Variants in ATP8B1 observed in about 807,000 individuals in gnomAD.
The protein encoded by ATP8B1 is phospholipid-transporting ATPase IC.
A neutral mutation model predicts 149.9 loss-of-function variants in ATP8B1; 80 were observed. That is an observed-to-expected ratio of 0.53 (90% confidence interval 0.45 to 0.64). The LOEUF (loss-of-function observed/expected upper bound fraction) is 0.64. ATP8B1 is among the 30% of genes least tolerant of loss of function. The probability of loss-of-function intolerance (pLI) is 0.00; values close to 1 mark genes in which losing one functional copy is unlikely to be tolerated. For synonymous variants in ATP8B1, 536 were observed against 562.8 expected (o/e 0.95, Z 0.67); for missense variants, 1,247 against 1,552.6 (o/e 0.80, Z 3.31).
At chr18:57,648,851 CTTGT>C (rs1400501212) in intron 27 of ATP8B1, 139 bp from the exon 28 acceptor site, 6 of 521,562 alleles carry the variant, frequency 1.2e-5, no homozygotes, top group Non-Finnish European at 1.3e-5. Flanking sequence ...TCTGTCCCCA[CTTGT>C]GTGTGTGTGT....
In ATP8B1 at chr18:57,653,889, G is replaced by C. The variant is rs7231045; in HGVS notation, c.3015+103C>G. ...ACAGAATTATAATAGGGTTTGATCA[G>C]AAAGAAGTAAACACCAGAAGAATGC... On this transcript the variant is annotated intron_variant, in intron 24 of 27. Transcript: ENST00000648908. 9.8e-4 allele frequency: 1,050 copies of C among 1,071,282 alleles called. 7 individuals carry two copies. In the African/African-American group the frequency reaches 0.014, roughly 14 times the overall value. The allele number at this position is 1,071,282 out of a possible 1,614,324, so 66.4% of individuals were successfully genotyped here. A position where few individuals can be genotyped will look rare whatever the true frequency, so the allele number is the denominator to read the frequency against.
At chr18:57,751,617 G>C (rs183301741) in intron 1 of ATP8B1, among the ~76,000 whole-genome samples, 16 of 152,248 alleles carry the variant, frequency 1.1e-4, no homozygotes, top group Middle Eastern at 6.8e-3. Flanking sequence ...TCTGTTGATA[G>C]ACATTTCTGT....
At chr18:57,724,408 A>G (rs2079682802) in intron 2 of ATP8B1, among the ~76,000 whole-genome samples, 1 of 147,662 alleles carries the variant, frequency 6.8e-6, no homozygotes, top group African/African-American at 2.5e-5. Flanking sequence ...TTACAAGAAA[A>G]AAACAAACAA....
chr18:57,743,200 T>C (rs2079934668), intron 1 of ATP8B1, among the ~76,000 whole-genome samples: 2 of 152,204 alleles, frequency 1.3e-5, no homozygotes, highest in African/African-American at 4.8e-5. Flanking sequence ...ATTTAGCTCC[T>C]AGCTATTCAG....
intron 2 of ATP8B1, among the ~76,000 whole-genome samples, chr18:57,709,131 G>T (rs1017580273): frequency 5.9e-5 from 9 of 152,142 alleles, no homozygotes; most frequent in African/African-American, 1.9e-4. Flanking sequence ...ATCCTTGTTT[G>T]GCCTAATTCA....
intron 1 of ATP8B1, among the ~76,000 whole-genome samples, chr18:57,763,551 C>A (rs547457983): frequency 2.0e-5 from 3 of 152,278 alleles, no homozygotes; most frequent in African/African-American, 7.2e-5. Context: ...ACAGAACCTA[C>A]TAGAATCAAT....
At chr18:57,754,870 C>T (rs955152728) in intron 1 of ATP8B1, among the ~76,000 whole-genome samples, 3 of 152,144 alleles carry the variant, frequency 2.0e-5, no homozygotes, top group African/African-American at 7.2e-5. Context: ...AGCAAAGCAG[C>T]CTGGGGTGTA....
At chr18:57,790,249 C>T (rs1212674153) in intron 1 of ATP8B1, among the ~76,000 whole-genome samples, 1 of 152,038 alleles carries the variant, frequency 6.6e-6, no homozygotes, top group Non-Finnish European at 1.5e-5. Context: ...CTCTCATGGA[C>T]ACTGCAGCAG....
At chr18:57,677,947 T>C (rs1275914773) in intron 15 of ATP8B1, among the ~76,000 whole-genome samples, 2 of 151,924 alleles carry the variant, frequency 1.3e-5, no homozygotes, top group Non-Finnish European at 2.9e-5. Context: ...ATTTTTATCA[T>C]TAAAGAAAAA....
intron 4 of ATP8B1, among the ~76,000 whole-genome samples, chr18:57,703,785 G>A (rs1170464773): frequency 1.3e-5 from 2 of 152,042 alleles, no homozygotes; most frequent in African/African-American, 4.8e-5. Flanking sequence ...AAATTTTTAA[G>A]TAGGCCTTTT....
chr18:57,648,876 G>A (rs72942269), intron 27 of ATP8B1, among the ~76,000 whole-genome samples, 164 bp from the exon 28 acceptor site: 10 of 117,356 alleles, frequency 8.5e-5, no homozygotes, highest in East Asian at 4.7e-4. Context: ...GTGTGTGTGT[G>A]TGTGTGTGTG....
intron 1 of ATP8B1, among the ~76,000 whole-genome samples, chr18:57,739,789 A>G (rs554431568): frequency 2.6e-5 from 4 of 152,352 alleles, no homozygotes; most frequent in African/African-American, 9.6e-5. Context: ...GAGGCCATCC[A>G]AAAACCATTG....
In ATP8B1 at chr18:57,709,179, T is replaced by C. The variant is rs1472498925; in HGVS notation, c.182-2592A>G. Among the ~76,000 whole-genome samples, 3 of 152,324 alleles carry C rather than the reference T, an allele frequency of 2.0e-5. No individual in the cohort carries two copies. In the East Asian group the frequency reaches 5.8e-4, roughly 29 times the overall value. ...GACAAACAAATTGATGTCTACTCTT[T>C]ATTCATCTATGAGTTTAGGCTAATT... On this transcript the variant is annotated intron_variant, in intron 2 of 27. Coordinates refer to ENST00000648908, the MANE Select transcript of ATP8B1 (RefSeq NM_001374385.1).
At chr18:57,790,306 AC>A (rs2080451021) in intron 1 of ATP8B1, among the ~76,000 whole-genome samples, 1 of 86,680 alleles carries the variant, frequency 1.2e-5, no homozygotes, top group Non-Finnish European at 2.4e-5. Context: ...CCCTGCCCCC[AC>A]CCCCATCCCC....
chr18:57,759,709 C>T (rs28673557), intron 1 of ATP8B1, among the ~76,000 whole-genome samples: 183 of 151,806 alleles, frequency 1.2e-3, no homozygotes, highest in African/African-American at 4.2e-3. Flanking sequence ...AGCTACTCTA[C>T]TCGGGAGGCT....
At chr18:57,744,715 T>C (rs2079949609) in intron 1 of ATP8B1, among the ~76,000 whole-genome samples, 3 of 152,256 alleles carry the variant, frequency 2.0e-5, no homozygotes. Flanking sequence ...AATTGACAGC[T>C]ACCTGGAAGC....
In ATP8B1 at chr18:57,688,467, A is replaced by C; in HGVS notation, c.1261T>G (p.Trp421Gly). The C allele has an allele frequency of 6.2e-7, 1 of 1,614,168 alleles. No individual in the cohort carries two copies. Among genetic ancestry groups the C allele is most frequent in the East Asian group, 2.2e-5 (1 of 44,884 alleles). The change falls in exon 13 of 28, where the codon TGG (tryptophan) becomes GGG (glycine). Residue 421 changes from tryptophan to glycine, a missense_variant. By Grantham distance (184) the Trp-to-Gly change is radical (BLOSUM62 -2). Coordinates refer to ENST00000648908, the MANE Select transcript of ATP8B1 (RefSeq NM_001374385.1). ...IRLGQSHFINWDLQMYYAEKD... is the reference protein window; with the variant it reads ...IRLGQSHFINGDLQMYYAEKD... ...TCAGCATAGTACATTTGCAGGTCCC[A>C]GTTGATGAAGTGACTCTGTCCAAGA... is the stretch of plus-strand genomic sequence containing the variant.
intron 1 of ATP8B1, among the ~76,000 whole-genome samples, chr18:57,759,155 C>CAAAAAAAAAAAAAAAAAA (rs566728161): frequency 8.2e-4 from 87 of 106,254 alleles, no homozygotes; most frequent in Non-Finnish European, 9.6e-4. Flanking sequence ...GATTCCATCT[C>CAAAAAAAAAAAAAAAAAA]AAAAAAAAAA....
intron 1 of ATP8B1, among the ~76,000 whole-genome samples, chr18:57,749,271 G>A (rs866896250): frequency 2.0e-5 from 3 of 152,006 alleles, no homozygotes; most frequent in Non-Finnish European, 2.9e-5. Context: ...ACCCCACAAA[G>A]GCAAGTAGTA....
Sources: gnomAD v4.1 joint callset for allele counts (sites outside exome capture counted in the v4.1 genomes callset) on GRCh38, gnomAD v4.1.1 for gene constraint, MANE v1.5 for transcripts, NCBI Gene and HGNC (gene_info 2026-07-23, HGNC 2026-07-21) for gene names.